Variants in RAB3B observed in about 807,000 individuals in gnomAD.
The protein encoded by RAB3B is RAB3B, member RAS oncogene family, also known as ras-related protein Rab-3B.
In RAB3B, 11 loss-of-function variants were observed where a neutral mutation model predicts 20.5. That is an observed-to-expected ratio of 0.54 (90% CI 0.34 to 0.89). RAB3B has a LOEUF of 0.89. RAB3B is among the 40% of genes least tolerant of loss of function. The pLI is 0.02. For missense variants in RAB3B, 225 were observed against 280.9 expected (o/e 0.80, Z 1.42); for synonymous variants, 99 against 106.3 (o/e 0.93, Z 0.42).
chr1:51,975,759 C>T (rs568283517), intron 2 of RAB3B, among the ~76,000 whole-genome samples: 3 of 152,138 alleles, frequency 2.0e-5, no homozygotes, highest in South Asian at 2.1e-4. Context: ...TTTGGGAGGC[C>T]GAGGTGGGCG....
At chr1:51,989,263 G>A (rs1685192291) in intron 1 of RAB3B, among the ~76,000 whole-genome samples, 1 of 129,606 alleles carries the variant, frequency 7.7e-6, no homozygotes, top group African/African-American at 3.8e-5. Context: ...TGTGTTTTGA[G>A]GGCCCATCTT....
In RAB3B at chr1:51,976,972, G is replaced by T; in HGVS notation, c.146C>A (p.Pro49Gln). Residue 49 changes from proline (P) to glutamine (Q), a missense_variant, in exon 2 of 5, where the codon CCA (proline) becomes CAA (glutamine). Pro to Gln is a moderately conservative substitution (Grantham distance 76). Coordinates refer to ENST00000371655, the MANE Select transcript of RAB3B (RefSeq NM_002867.4). ...GATGCCCACGGTGCTAACGAAGGCTGGGGTGAACGTGTCATCAGCATAGCG... is the reference window on the plus strand; with the variant it reads ...GATGCCCACGGTGCTAACGAAGGCTTGGGTGAACGTGTCATCAGCATAGCG... Reference protein sequence around the residue: ...LFRYADDTFTPAFVSTVGIDF... With the variant: ...LFRYADDTFTQAFVSTVGIDF... 8 of 1,614,182 alleles carry T rather than the reference G, an allele frequency of 5.0e-6. No individual in the cohort carries two copies. Among genetic ancestry groups the T allele is most frequent in the Non-Finnish European group, 6.8e-6 (8 of 1,180,028 alleles).
intron 4 of RAB3B, among the ~76,000 whole-genome samples, chr1:51,931,648 G>T (rs930639464): frequency 6.6e-6 from 1 of 152,116 alleles, no homozygotes; most frequent in African/African-American, 2.4e-5. Flanking sequence ...GGAACTTTCG[G>T]GAGACAGACA....
At chr1:51,967,985 T>A (rs1199153022) in intron 2 of RAB3B, among the ~76,000 whole-genome samples, 1 of 152,140 alleles carries the variant, frequency 6.6e-6, no homozygotes, top group Non-Finnish European at 1.5e-5. Context: ...AATGCCTAGG[T>A]GGGCCCATTA....
At position 51,908,734 on chromosome 1, in the gene RAB3B, C is replaced by CG. The variant is rs35752953; in HGVS notation, c.*11192dup. 0.13 allele frequency: 19,458 copies of CG among 151,920 alleles called. 1,706 individuals carry two copies. The highest frequency in any genetic ancestry group is 0.25 in the African/African-American group (10,366 of 41,336). The allele number at this position is 151,920 out of a possible 1,614,324, so 9.4% of individuals were successfully genotyped here. On this transcript the variant is annotated 3_prime_UTR_variant, in exon 5 of 5. Transcript: ENST00000371655. Reference sequence around the variant, plus strand: ...AGTTCAGAATTAGGACTGCCCACTGCGGGGGGAACAGACCCTCCCCTGTTC... The same window carrying CG: ...AGTTCAGAATTAGGACTGCCCACTGCGGGGGGGAACAGACCCTCCCCTGTTC...
At chr1:51,942,509 G>A (rs1397034453) in intron 2 of RAB3B, among the ~76,000 whole-genome samples, 3 of 152,178 alleles carry the variant, frequency 2.0e-5, no homozygotes, top group Non-Finnish European at 2.9e-5. Flanking sequence ...GATCTTTGGA[G>A]TTAGGCTTCT....
chr1:51,984,035 C>T (rs879476804), intron 1 of RAB3B, among the ~76,000 whole-genome samples: 1 of 151,352 alleles, frequency 6.6e-6, no homozygotes, highest in Non-Finnish European at 1.5e-5. Context: ...GAGGCTGAGG[C>T]GGGTGAATCA....
chr1:51,989,307 A>T (rs181140344), intron 1 of RAB3B, among the ~76,000 whole-genome samples: 204 of 149,394 alleles, frequency 1.4e-3, no homozygotes, highest in Non-Finnish European at 2.3e-3. Flanking sequence ...CTTAGCTTCC[A>T]AAGGCTGCTG....
intron 2 of RAB3B, among the ~76,000 whole-genome samples, chr1:51,968,051 G>A (rs770698341): frequency 1.3e-5 from 2 of 152,266 alleles, no homozygotes; most frequent in Middle Eastern, 3.4e-3. Flanking sequence ...GTTGGAAGAT[G>A]TTCCACTGCA....
intron 1 of RAB3B, among the ~76,000 whole-genome samples, chr1:51,977,738 G>A (rs190330998): frequency 7.2e-5 from 11 of 152,264 alleles, no homozygotes; most frequent in African/African-American, 2.2e-4. Context: ...GGAGTTCGAC[G>A]CTGCAGGGAG....
At chr1:51,979,051 G>T (rs201220819) in intron 1 of RAB3B, among the ~76,000 whole-genome samples, 2 of 152,072 alleles carry the variant, frequency 1.3e-5, no homozygotes, top group East Asian at 3.9e-4. Context: ...TTCCATCCCT[G>T]TATCAATCTG....
At chr1:51,956,712 C>T (rs1684710948) in intron 2 of RAB3B, among the ~76,000 whole-genome samples, 1 of 152,212 alleles carries the variant, frequency 6.6e-6, no homozygotes, top group South Asian at 2.1e-4. Flanking sequence ...AGCTCAAATG[C>T]TTCCTCCTGT....
In RAB3B at chr1:51,916,510, A is replaced by G. The variant is rs1042816424; in HGVS notation, c.*3417T>C. 2 of 152,236 alleles carry G rather than the reference A, an allele frequency of 1.3e-5. No individual in the cohort carries two copies. The highest frequency in any genetic ancestry group is 2.9e-5 in the Non-Finnish European group (2 of 68,046). The allele number at this position is 152,236 out of a possible 1,614,324, so 9.4% of individuals were successfully genotyped here. A position where few individuals can be genotyped will look rare whatever the true frequency, so the allele number is the denominator to read the frequency against. ...GTAATTATCCATGACACTGTATACA[A>G]TGTTACAGTGTAAAAATCACACCCA... is the stretch of plus-strand genomic sequence containing the variant. On this transcript the variant is annotated 3_prime_UTR_variant, in exon 5 of 5. Transcript: ENST00000371655.
intron 1 of RAB3B, among the ~76,000 whole-genome samples, chr1:51,979,771 C>T (rs1216448829): frequency 6.6e-6 from 1 of 151,916 alleles, no homozygotes; most frequent in East Asian, 1.9e-4. Flanking sequence ...CGGCTGGGCA[C>T]GGTGGCTCAC....
At chr1:51,965,562 G>T (rs1254805588) in intron 2 of RAB3B, among the ~76,000 whole-genome samples, 1 of 150,598 alleles carries the variant, frequency 6.6e-6, no homozygotes, top group East Asian at 2.0e-4. Context: ...CAGGAGAATC[G>T]CTTGAACCCG....
At chr1:51,952,046 C>T (rs1684648494) in intron 2 of RAB3B, among the ~76,000 whole-genome samples, 1 of 152,212 alleles carries the variant, frequency 6.6e-6, no homozygotes, top group Non-Finnish European at 1.5e-5. Flanking sequence ...TGGCCTTCCA[C>T]AGAATGTACT....
intron 1 of RAB3B, among the ~76,000 whole-genome samples, chr1:51,989,208 T>TTTTGTGTGTGTG (rs1318914367): frequency 1.0e-4 from 10 of 99,870 alleles, no homozygotes; most frequent in African/African-American, 4.3e-4. Context: ...CCATCTTGTT[T>TTTTGTGTGTGTG]TGTGTGTGTG....
In RAB3B at chr1:51,976,977, G is replaced by A. The variant is rs1404312463; in HGVS notation, c.141C>T (p.Phe47=). The A allele has an allele frequency of 6.2e-7, 1 of 1,614,086 alleles. No homozygotes were observed. Among genetic ancestry groups the A allele is most frequent in the Non-Finnish European group, 8.5e-7 (1 of 1,180,038 alleles). ...SFLFRYADDT[F]TPAFVSTVGI... ...CCACGGTGCTAACGAAGGCTGGGGT[G>A]AACGTGTCATCAGCATAGCGGAAGA... The change falls in exon 2 of 5, where the codon TTC becomes TTT. Residue 47 remains phenylalanine, a synonymous_variant. Transcript: ENST00000371655.
rs555413608 is a variant in RAB3B, at chr1:51,976,763, C to T, written c.228+127G>A. ...AGCAGAGGGTAGCCCAGGGGCCACA[C>T]CTGAAACAGCATTAATGCCTGATGC... is the stretch of plus-strand genomic sequence containing the variant. On this transcript the variant is annotated intron_variant, in intron 2 of 4. Coordinates refer to ENST00000371655, the MANE Select transcript of RAB3B (RefSeq NM_002867.4). 1.3e-4 allele frequency: 103 copies of T among 809,348 alleles called. 2 individuals carry two copies. The African/African-American group carries it at 1.6e-3, about 12-fold the overall frequency. 50.1% of individuals were successfully genotyped at this position (809,348 alleles called of 1,614,324 possible). A position where few individuals can be genotyped will look rare whatever the true frequency, so the allele number is the denominator to read the frequency against.
Sources: allele counts gnomAD v4.1 joint callset (sites outside exome capture counted in the v4.1 genomes callset), GRCh38; gene constraint gnomAD v4.1.1; transcripts MANE v1.5; gene names NCBI Gene and HGNC (gene_info 2026-07-23, HGNC 2026-07-21).